Variants in PLEKHG3 observed in about 807,000 individuals in gnomAD.
PLEKHG3 encodes the protein pleckstrin homology and RhoGEF domain containing G3, also known as pleckstrin homology domain-containing family G member 3.
PLEKHG3 carries 62 observed loss-of-function variants against 94.9 expected under a neutral mutation model. That is an observed-to-expected ratio of 0.65 (90% confidence interval 0.53 to 0.81). PLEKHG3 has a LOEUF of 0.81. Among genes scored for constraint, PLEKHG3 ranks in the 30% least tolerant of loss-of-function variants. The pLI, the probability that PLEKHG3 is intolerant of heterozygous loss-of-function variation, is 0.00. For synonymous variants in PLEKHG3, 614 were observed against 654.0 expected, an observed-to-expected ratio of 0.94 and a Z score of 0.93; for missense variants, 1,461 against 1,619.3, an observed-to-expected ratio of 0.90 and a Z score of 1.68.
chr14:64,749,097 G>A lies in PLEKHG3; in HGVS notation c.*5394G>A, dbSNP rs543839169. ...AGCTGGGAGCCCCTGTCCCTGGAGC[G>A]GAGCCAGCGCGGGCGAGGGCATGGA... On this transcript the variant is annotated 3_prime_UTR_variant, in exon 17 of 17. Coordinates refer to ENST00000247226, the MANE Select transcript of PLEKHG3 (RefSeq NM_001308147.2). This position sits in a 1 kb window ranked among gnomAD's most constrained non-coding sequence, Gnocchi z 4.7. 5.0e-5 allele frequency: 26 copies of A among 515,602 alleles called. No individual in the cohort carries two copies. Among genetic ancestry groups the A allele is most frequent in the South Asian group, 2.2e-4 (10 of 45,862 alleles). 31.9% of individuals were successfully genotyped at this position (515,602 alleles called of 1,614,324 possible).
chr14:64,714,379 A>G (rs1014646100), intron 1 of PLEKHG3, among the ~76,000 whole-genome samples: 1 of 152,228 alleles, frequency 6.6e-6, no homozygotes, highest in Admixed American at 6.5e-5. Flanking sequence ...TCTGCTCTAG[A>G]GTCACCTCTT....
At chr14:64,711,237 C>T (rs542491135) in intron 1 of PLEKHG3, among the ~76,000 whole-genome samples, 1 of 152,120 alleles carries the variant, frequency 6.6e-6, no homozygotes, top group Admixed American at 6.5e-5. Flanking sequence ...TGAAACTCTG[C>T]ATGCTCTTGC....
rs149514773 is a variant in PLEKHG3 at position 64,732,983 on chromosome 14, G to A, written c.1345+82G>A. On this transcript the variant is annotated intron_variant, in intron 12 of 16. Coordinates refer to ENST00000247226, the MANE Select transcript of PLEKHG3 (RefSeq NM_001308147.2). The surrounding 1 kb of genome is among the most constrained non-coding windows in gnomAD (Gnocchi z 4.9). The stretch of plus-strand genomic sequence containing the variant: ...GGGACCGTCTGCGGCAGTGTCCAGG[G>A]CTGTGGCTCTCACCTCTGCGGAAAC... 388 of 869,506 alleles carry A rather than the reference G, an allele frequency of 4.5e-4. 1 individual carries two copies. The African/African-American group carries it at 5.8e-3, about 13-fold the overall frequency. The allele number at this position is 869,506 out of a possible 1,614,324, so 53.9% of individuals were successfully genotyped here.
chr14:64,733,565 C>G (rs894598359), intron 12 of PLEKHG3, among the ~76,000 whole-genome samples: 1 of 152,222 alleles, frequency 6.6e-6, no homozygotes, highest in Non-Finnish European at 1.5e-5. Flanking sequence ...AATACCAACA[C>G]CAAGTCATTC....
chr14:64,728,829 C>G lies in PLEKHG3; in HGVS notation c.352-167C>G, dbSNP rs1241151605. Among the ~76,000 whole-genome samples, 2 of 152,198 alleles carry G rather than the reference C, an allele frequency of 1.3e-5. No homozygotes were observed. Among genetic ancestry groups the G allele is most frequent in the African/African-American group, 4.8e-5 (2 of 41,438 alleles). ...CAAAGACCTTATTTCCAAATAAAGT[C>G]ACATTCTGGGGTTCCAAGTGGACAT... is the stretch of plus-strand genomic sequence containing the variant. On this transcript the variant is annotated intron_variant, in intron 2 of 16. Coordinates refer to ENST00000247226, the MANE Select transcript of PLEKHG3 (RefSeq NM_001308147.2). The surrounding 1 kb of genome is among the most constrained non-coding windows in gnomAD (Gnocchi z 5.9).
rs747776201 is a variant in PLEKHG3 at position 64,749,876 on chromosome 14, G to A, written c.*6173G>A. ...CTCTTTGATTTGAAAAACCCCTGAG[G>A]AGCAGCTCAGGCCTGGCACTGGTCC... On this transcript the variant is annotated 3_prime_UTR_variant, in exon 17 of 17. Transcript: ENST00000247226. This position sits in a 1 kb window ranked among gnomAD's most constrained non-coding sequence, Gnocchi z 4.7. The A allele has an allele frequency of 4.1e-5, 62 of 1,530,214 alleles. No homozygotes were observed. In the Middle Eastern group the frequency reaches 6.9e-4, roughly 17 times the overall value. 94.8% of individuals were successfully genotyped at this position (1,530,214 alleles called of 1,614,324 possible).
intron 14 of PLEKHG3, chr14:64,737,974 T>A (rs891443335): frequency 2.5e-6 from 3 of 1,208,648 alleles, no homozygotes; most frequent in Admixed American, 2.7e-5. Flanking sequence ...GAGGAGGAGG[T>A]GGTGGAGGAG....
rs1302121322 is a variant in PLEKHG3 at position 64,715,527 on chromosome 14, A to G, written c.-40+10823A>G. 1.3e-5 allele frequency among the ~76,000 whole-genome samples: 2 copies of G among 152,140 alleles called. No individual in the cohort carries two copies. Among genetic ancestry groups the G allele is most frequent in the African/African-American group, 2.4e-5 (1 of 41,424 alleles). On this transcript the variant is annotated intron_variant, in intron 1 of 16. Coordinates refer to ENST00000247226, the MANE Select transcript of PLEKHG3 (RefSeq NM_001308147.2). The surrounding 1 kb of genome is among the most constrained non-coding windows in gnomAD (Gnocchi z 4.4). ...GTGCCTCAGTTTCCTGACCTGTAAA[A>G]TAGGGATGGCCACCTGCCTTTCCTC...
Position 64,727,152 on chromosome 14 carries a change from G to A in PLEKHG3, c.-39-441G>A, listed in dbSNP as rs923570019. On this transcript the variant is annotated intron_variant, in intron 1 of 16. Coordinates refer to ENST00000247226, the MANE Select transcript of PLEKHG3 (RefSeq NM_001308147.2). The surrounding 1 kb of genome is among the most constrained non-coding windows in gnomAD (Gnocchi z 6.0). ...AGGCTGTATCCATCCTCATTTTACA[G>A]GTGAGGAGCTGAGGCTCTGAGGGAC... Among the ~76,000 whole-genome samples, 1 of 152,094 alleles carries A rather than the reference G, an allele frequency of 6.6e-6. No individual in the cohort carries two copies. Among genetic ancestry groups the A allele is most frequent in the African/African-American group, 2.4e-5 (1 of 41,408 alleles).
At chr14:64,737,049 C>T (rs1179221742) in intron 13 of PLEKHG3, 158 bp downstream of exon 13, 2 of 708,634 alleles carry the variant, frequency 2.8e-6, no homozygotes, top group East Asian at 2.7e-5. Context: ...GGGCCTCGCC[C>T]CTGGCTGGCT....
At position 64,743,005 on chromosome 14, in the gene PLEKHG3, C is replaced by G. The variant is rs1426366584; in HGVS notation, c.2962C>G (p.Leu988Val). 13 of 1,613,190 alleles carry G rather than the reference C, an allele frequency of 8.1e-6. No homozygotes were observed. The highest frequency in any genetic ancestry group is 1.0e-5 in the Non-Finnish European group (12 of 1,179,832). The change falls in exon 17 of 17, where the codon CTA (leucine) becomes GTA (valine). Residue 988 changes from leucine to valine, a missense_variant. Transcript: ENST00000247226. The surrounding 1 kb of genome is among the most constrained non-coding windows in gnomAD (Gnocchi z 7.2). ...AGGTAAGAGGAAGCCGGTGCTGTCT[C>G]TATTTGACTATGAGCAGCTGATGGC... ...GKGKRKPVLS[L>V]FDYEQLMAQE...
rs535162693 is a variant in PLEKHG3, at chr14:64,742,254, G to A, written c.2737G>A (p.Val913Ile). The A allele has an allele frequency of 6.6e-5, 106 of 1,613,066 alleles. No individual in the cohort carries two copies. Among genetic ancestry groups the A allele is most frequent in the East Asian group, 1.6e-4 (7 of 44,868 alleles). ...LHPRIVQLSH[V>I]MDSHVSERVK... The stretch of plus-strand genomic sequence containing the variant: ...CCCCCGCATCGTGCAGCTCTCCCAC[G>A]TAATGGACAGCCACGTGAGCGAGCG... The change falls in exon 16 of 17, where the codon GTA becomes ATA. Residue 913 changes from valine (V) to isoleucine (I), a missense_variant. By Grantham distance (29) the Val-to-Ile change is conservative. Around this residue, in one of 3 missense-constraint regions of PLEKHG3, gnomAD observed 1,201 missense variants for 1,295.5 expected, o/e 0.93. Coordinates refer to ENST00000247226, the MANE Select transcript of PLEKHG3 (RefSeq NM_001308147.2).
chr14:64,727,554 A>C lies in PLEKHG3; in HGVS notation c.-39-39A>C. On this transcript the variant is annotated intron_variant, in intron 1 of 16. Coordinates refer to ENST00000247226, the MANE Select transcript of PLEKHG3 (RefSeq NM_001308147.2). The surrounding 1 kb of genome is among the most constrained non-coding windows in gnomAD (Gnocchi z 6.0). Reference sequence around the variant, plus strand: ...GTCCCTCTGTTCTGTTTCTGTGGGCATTCAGAGGTTGACCCTTCATCTGTC... The same window carrying C: ...GTCCCTCTGTTCTGTTTCTGTGGGCCTTCAGAGGTTGACCCTTCATCTGTC... 4.2e-6 allele frequency: 2 copies of C among 471,426 alleles called. No homozygotes were observed. Among genetic ancestry groups the C allele is most frequent in the East Asian group, 6.8e-5 (1 of 14,786 alleles). The allele number at this position is 471,426 out of a possible 1,614,324, so 29.2% of individuals were successfully genotyped here.
At chr14:64,742,945 C>G (rs764028580) in intron 16 of PLEKHG3, 37 bp from the exon 17 acceptor site, 2 of 1,610,652 alleles carry the variant, frequency 1.2e-6, no homozygotes. Flanking sequence ...TCTGCCCTCC[C>G]GCCCCATGCT....
chr14:64,711,626 A>G (rs2081067633), intron 1 of PLEKHG3, among the ~76,000 whole-genome samples: 1 of 152,028 alleles, frequency 6.6e-6, no homozygotes, highest in African/African-American at 2.4e-5. Flanking sequence ...GTTAGCCAGG[A>G]TGGTCTCGAT....
Position 64,732,024 on chromosome 14 carries a change from C to T in PLEKHG3, c.1126-71C>T, listed in dbSNP as rs898236041. 1.7e-6 allele frequency: 2 copies of T among 1,160,020 alleles called. No individual in the cohort carries two copies. Among genetic ancestry groups the T allele is most frequent in the Admixed American group, 1.7e-5 (1 of 58,858 alleles). The allele number at this position is 1,160,020 out of a possible 1,614,324, so 71.9% of individuals were successfully genotyped here. A position where few individuals can be genotyped will look rare whatever the true frequency, so the allele number is the denominator to read the frequency against. On this transcript the variant is annotated intron_variant, in intron 9 of 16. Transcript: ENST00000247226. This position sits in a 1 kb window ranked among gnomAD's most constrained non-coding sequence, Gnocchi z 4.9. ...CCCACTTTTTCTCCCTGGGTGGAAG[C>T]ACTGTCCATGCTAGACAGCTTCAGG...
Position 64,731,456 on chromosome 14 carries a change from C to T in PLEKHG3, c.945C>T (p.Arg315=), listed in dbSNP as rs964357160. The T allele has an allele frequency of 3.1e-6, 5 of 1,613,666 alleles. No homozygotes were observed. The African/African-American group carries it at 6.7e-5, about 22-fold the overall frequency. The part of the protein sequence containing the change: ...LEGTFRVHRV[R]NERTFFLFDK... ...GCACATTCCGCGTGCATCGCGTGCG[C>T]AATGAAAGGACCTTTTTCCTCTTTG... Residue 315 remains arginine, a synonymous_variant, in exon 8 of 17, where the codon CGC becomes CGT. Coordinates refer to ENST00000247226, the MANE Select transcript of PLEKHG3 (RefSeq NM_001308147.2). This position sits in a 1 kb window ranked among gnomAD's most constrained non-coding sequence, Gnocchi z 6.1.
rs1555359440 is a variant in PLEKHG3, at chr14:64,716,496, A to ACCACAC, written c.-39-11097_-39-11096insCCACAC. ...ACACACACACAACACACACACACACAACACACACACACACACACACACACA... is the reference window on the plus strand; with the variant it reads ...ACACACACACAACACACACACACACACCACACACACACACACACACACACACACACA... On this transcript the variant is annotated intron_variant, in intron 1 of 16. Transcript: ENST00000247226. The surrounding 1 kb of genome is among the most constrained non-coding windows in gnomAD (Gnocchi z 5.0). Among the ~76,000 whole-genome samples, 7 of 79,500 alleles carry ACCACAC rather than the reference A, an allele frequency of 8.8e-5. No homozygotes were observed. The highest frequency in any genetic ancestry group is 1.3e-4 in the Admixed American group (1 of 7,780). The allele number at this position is 79,500 out of a possible 152,430, so 52.2% of individuals were successfully genotyped here.
intron 1 of PLEKHG3, among the ~76,000 whole-genome samples, chr14:64,710,460 G>T (rs369556142): frequency 6.6e-6 from 1 of 152,196 alleles, no homozygotes; most frequent in South Asian, 2.1e-4. Flanking sequence ...ACCTGAGGTC[G>T]GGAGTTTGAG....
Sources: allele counts gnomAD v4.1 joint callset (sites outside exome capture counted in the v4.1 genomes callset), GRCh38; gene constraint gnomAD v4.1.1; regional missense constraint gnomAD v4.1.1; non-coding constraint Gnocchi (gnomAD v3.1); transcripts MANE v1.5; gene names NCBI Gene and HGNC (gene_info 2026-07-23, HGNC 2026-07-21).